The following LIMCH1 variants were observed in gnomAD, a reference collection of about 807,000 sequenced individuals.
LIMCH1 encodes the protein LIM and calponin homology domains 1.
A neutral mutation model predicts 176.5 loss-of-function variants in LIMCH1; 113 were observed. The observed-to-expected ratio is 0.64, with a 90% CI of 0.55 to 0.75. The LOEUF is 0.75. Ranked by LOEUF, LIMCH1 falls within the 30% of genes least tolerant of loss-of-function variation. LIMCH1 has a pLI of 0.00. For synonymous variants in LIMCH1, 619 were observed against 645.9 expected (o/e 0.96, Z 0.63); for missense variants, 1,674 against 1,814.9 (o/e 0.92, Z 1.41).
intron 6 of LIMCH1, chr4:41,620,135 T>G: frequency 2.8e-6 from 1 of 362,666 alleles, no homozygotes; most frequent in Non-Finnish European, 5.0e-6. Context: ...ATAAAGATGT[T>G]ATTACAATTT....
chr4:41,684,734 G>T (rs188480723), intron 27 of LIMCH1, among the ~76,000 whole-genome samples: 248 of 151,718 alleles, frequency 1.6e-3, no homozygotes, highest in Non-Finnish European at 2.7e-3. Flanking sequence ...GAGCGTGTTC[G>T]CACTTAAAAA....
chr4:41,637,737 A>G (rs2093651644), intron 13 of LIMCH1, among the ~76,000 whole-genome samples: 2 of 152,158 alleles, frequency 1.3e-5, no homozygotes, highest in Non-Finnish European at 2.9e-5. Context: ...ATCATTATCA[A>G]TGAATGTAGA....
intron 1 of LIMCH1, 49 bp downstream of exon 1, chr4:41,538,399 A>G: frequency 1.0e-6 from 1 of 958,826 alleles, no homozygotes; most frequent in East Asian, 1.2e-4. Flanking sequence ...GGTATCCATG[A>G]TGGAAAGAAG....
chr4:41,670,730 C>T, intron 21 of LIMCH1: 6 of 1,535,814 alleles, frequency 3.9e-6, no homozygotes, highest in Non-Finnish European at 4.4e-6. Flanking sequence ...TCGCCTGGCA[C>T]TGCCAGTGTT....
At chr4:41,602,523 T>C (rs941112304) in intron 2 of LIMCH1, among the ~76,000 whole-genome samples, 3 of 152,202 alleles carry the variant, frequency 2.0e-5, no homozygotes, top group African/African-American at 7.2e-5. Context: ...TTCAAATCTT[T>C]TATAGATTTT....
chr4:41,477,688 G>A (rs911411187), intron 1 of LIMCH1, among the ~76,000 whole-genome samples: 3 of 152,274 alleles, frequency 2.0e-5, no homozygotes, highest in Admixed American at 6.5e-5. Flanking sequence ...CTGACTAGGC[G>A]TTGCTACACA....
chr4:41,389,420 T>C (rs186284769), intron 1 of LIMCH1: 10 of 197,488 alleles, frequency 5.1e-5, no homozygotes, highest in Admixed American at 4.1e-4. Flanking sequence ...TTTGATGAGA[T>C]TGTCAGCATT....
At chr4:41,660,074 CT>C (rs376589454) in intron 18 of LIMCH1, among the ~76,000 whole-genome samples, 35 of 152,084 alleles carry the variant, frequency 2.3e-4, no homozygotes, top group Admixed American at 1.9e-3. Flanking sequence ...TTCTTACTAT[CT>C]TTTTTTCTAT....
chr4:41,596,267 T>G lies in LIMCH1; in HGVS notation c.-240-2653T>G, dbSNP rs529181047. Among the ~76,000 whole-genome samples, 6 of 151,614 alleles carry G rather than the reference T, an allele frequency of 4.0e-5. No homozygotes were observed. In the South Asian group the frequency reaches 1.2e-3, roughly 31 times the overall value. On this transcript the variant is annotated intron_variant, in intron 1 of 31. Transcript: ENST00000503057. ...TAAACGTACCAAATGAACATCCACA[T>G]GTACTTCTTCCACTGGCAATAAGAA...
chr4:41,696,891 C>G (rs1000857043), intron 31 of LIMCH1, among the ~76,000 whole-genome samples: 1 of 152,094 alleles, frequency 6.6e-6, no homozygotes, highest in East Asian at 1.9e-4. Flanking sequence ...AGCATTTGAT[C>G]AAACTTCACA....
At chr4:41,561,296 A>AT (rs942883255) in intron 1 of LIMCH1, among the ~76,000 whole-genome samples, 9 of 151,996 alleles carry the variant, frequency 5.9e-5, no homozygotes, top group African/African-American at 1.7e-4. Flanking sequence ...CCTTGGCTGT[A>AT]TTTTTTTCCC....
intron 4 of LIMCH1, chr4:41,612,715 C>T: frequency 2.9e-6 from 2 of 694,532 alleles, no homozygotes; most frequent in Non-Finnish European, 5.2e-6. Context: ...AGCCATTGTT[C>T]TCCCTGCTCT....
intron 2 of LIMCH1, 164 bp downstream of exon 2, chr4:41,599,190 C>T (rs2089476681): frequency 1.8e-6 from 1 of 563,092 alleles, no homozygotes; most frequent in East Asian, 3.0e-5. Flanking sequence ...TTGACTTTCC[C>T]TCTGTGCATA....
intron 1 of LIMCH1, among the ~76,000 whole-genome samples, chr4:41,402,903 C>A (rs1431297380): frequency 1.3e-5 from 2 of 150,870 alleles, no homozygotes; most frequent in South Asian, 2.1e-4. Context: ...GTGCAGCACA[C>A]CAGCATGGCA....
intron 1 of LIMCH1, among the ~76,000 whole-genome samples, chr4:41,488,167 C>T (rs1231002419): frequency 2.0e-5 from 3 of 152,120 alleles, no homozygotes; most frequent in Non-Finnish European, 2.9e-5. Flanking sequence ...GCACTGTTTT[C>T]ACTAGAACAT....
intron 2 of LIMCH1, among the ~76,000 whole-genome samples, chr4:41,508,311 A>G (rs1424239775): frequency 6.6e-6 from 1 of 152,222 alleles, no homozygotes; most frequent in African/African-American, 2.4e-5. Context: ...GAAAGAAAAG[A>G]CAAAAAATAA....
chr4:41,510,613 A>C (rs1242153437), intron 2 of LIMCH1, among the ~76,000 whole-genome samples: 1 of 150,176 alleles, frequency 6.7e-6, no homozygotes. Context: ...TTTGAGATGG[A>C]GTTTCATTCT....
intron 23 of LIMCH1, among the ~76,000 whole-genome samples, chr4:41,677,077 C>T (rs1277154405): frequency 1.3e-5 from 2 of 151,592 alleles, no homozygotes; most frequent in Non-Finnish European, 2.9e-5. Flanking sequence ...ACAGAAGAAT[C>T]GCTTGAACTC....
chr4:41,603,060 C>T (rs891761232), intron 2 of LIMCH1, among the ~76,000 whole-genome samples: 1 of 152,040 alleles, frequency 6.6e-6, no homozygotes, highest in African/African-American at 2.4e-5. Flanking sequence ...TCAGTGTATG[C>T]TGCAATGAAG....
Sources: allele counts gnomAD v4.1 joint callset (sites outside exome capture counted in the v4.1 genomes callset), GRCh38; gene constraint gnomAD v4.1.1; transcripts MANE v1.5; gene names NCBI Gene and HGNC (gene_info 2026-07-23, HGNC 2026-07-21).